NRXN1: variants seen among roughly 807,000 people sequenced by gnomAD.
NRXN1 encodes the protein neurexin-1.
Under a neutral mutation model 150.9 loss-of-function variants are expected in NRXN1, and 39 were observed. That is an observed-to-expected ratio of 0.26 (90% confidence interval 0.20 to 0.34). The LOEUF is 0.34. Among genes scored for constraint, NRXN1 ranks in the 10% least tolerant of loss-of-function variants. NRXN1 has a pLI of 1.00. For missense variants in NRXN1, 1,815 were observed against 1,949.9 expected (o/e 0.93, Z 1.30); for synonymous variants, 924 against 757.0 (o/e 1.22, Z -3.62).
chr2:50,571,723 G>A (rs1670690953), intron 8 of NRXN1, among the ~76,000 whole-genome samples: 1 of 152,028 alleles, frequency 6.6e-6, no homozygotes, highest in Admixed American at 6.6e-5. Context: ...GAACCATAGA[G>A]TATATTGCAG....
intron 12 of NRXN1, among the ~76,000 whole-genome samples, chr2:50,518,566 C>T (rs1250412562): frequency 6.6e-6 from 1 of 151,776 alleles, no homozygotes; most frequent in East Asian, 1.9e-4. Flanking sequence ...AATCAAAAAG[C>T]ATATGGGTCC....
intron 15 of NRXN1, among the ~76,000 whole-genome samples, chr2:50,489,190 G>C (rs886407321): frequency 6.6e-6 from 1 of 152,208 alleles, no homozygotes; most frequent in Admixed American, 6.5e-5. Context: ...CCTTGTGGCT[G>C]TTCCAAGCAT....
At chr2:51,029,944 T>G (rs1482528938) in intron 1 of NRXN1, among the ~76,000 whole-genome samples, 1 of 152,092 alleles carries the variant, frequency 6.6e-6, no homozygotes, top group Admixed American at 6.5e-5. Flanking sequence ...ACAATTTGTG[T>G]GGTCAGAAGA....
At chr2:50,831,889 C>G (rs191201806) in intron 5 of NRXN1, among the ~76,000 whole-genome samples, 435 of 152,270 alleles carry the variant, frequency 2.9e-3, no homozygotes, top group Non-Finnish European at 5.2e-3. Flanking sequence ...TGCACAGATG[C>G]ACAGAGAAAC....
chr2:50,938,153 G>A (rs1688823105), intron 2 of NRXN1, among the ~76,000 whole-genome samples: 1 of 152,152 alleles, frequency 6.6e-6, no homozygotes, highest in East Asian at 1.9e-4. Context: ...GGGCAAGTCA[G>A]ACAGTAGATA....
intron 18 of NRXN1, among the ~76,000 whole-genome samples, chr2:50,093,025 A>C (rs182805347): frequency 6.6e-6 from 1 of 152,326 alleles, no homozygotes; most frequent in East Asian, 1.9e-4. Context: ...ATGTGTTAAA[A>C]ATGTATGTAC....
chr2:50,709,866 A>G (rs1479277215), intron 5 of NRXN1, among the ~76,000 whole-genome samples: 1 of 152,190 alleles, frequency 6.6e-6, no homozygotes, highest in African/African-American at 2.4e-5. Context: ...TTCCTCTAAG[A>G]TCACAAGGCT....
At chr2:50,330,379 T>A (rs1247079503) in intron 17 of NRXN1, among the ~76,000 whole-genome samples, 1 of 152,070 alleles carries the variant, frequency 6.6e-6, no homozygotes, top group Non-Finnish European at 1.5e-5. Context: ...CCTTAAAGAG[T>A]TCGACAGAAA....
At position 50,498,227 on chromosome 2, in the gene NRXN1, G is replaced by T. The variant is rs142228535; in HGVS notation, c.2498-513C>A. Among the ~76,000 whole-genome samples, 1,393 of 152,154 alleles carry T rather than the reference G, an allele frequency of 9.2e-3. 24 individuals carry two copies. The highest frequency in any genetic ancestry group is 0.031 in the African/African-American group (1,269 of 41,522). On this transcript the variant is annotated intron_variant, in intron 13 of 22. Coordinates refer to ENST00000401669, the MANE Select transcript of NRXN1 (RefSeq NM_001330078.2). ...TACCCAGTAGAAAGAGTGGAGAGTT[G>T]CAGCCCTTTCTTCCAGTAATGAAAC...
At chr2:50,906,674 C>T (rs1390836642) in intron 5 of NRXN1, among the ~76,000 whole-genome samples, 1 of 152,034 alleles carries the variant, frequency 6.6e-6, no homozygotes, top group Non-Finnish European at 1.5e-5. Flanking sequence ...CAGTTTCATC[C>T]TTTAGGTTCC....
intron 17 of NRXN1, among the ~76,000 whole-genome samples, chr2:50,248,987 C>CTTTT (rs111366889): frequency 2.2e-5 from 3 of 134,420 alleles, no homozygotes; most frequent in African/African-American, 8.3e-5. Context: ...TCTTTACAAA[C>CTTTT]TTTTTTTTTT....
At chr2:50,348,291 A>C (rs2078191207) in intron 17 of NRXN1, among the ~76,000 whole-genome samples, 1 of 152,172 alleles carries the variant, frequency 6.6e-6, no homozygotes, top group East Asian at 1.9e-4. Context: ...ACCAAAACTC[A>C]CAAGGAGGGA....
At chr2:50,229,568 A>C (rs2064745751) in intron 18 of NRXN1, among the ~76,000 whole-genome samples, 1 of 152,018 alleles carries the variant, frequency 6.6e-6, no homozygotes, top group Non-Finnish European at 1.5e-5. Context: ...CTGGATCATA[A>C]GGGTAAACAT....
chr2:51,013,534 G>A (rs947684794), intron 2 of NRXN1, among the ~76,000 whole-genome samples: 3 of 150,672 alleles, frequency 2.0e-5, no homozygotes, highest in Non-Finnish European at 4.4e-5. Flanking sequence ...CTCAGGACTT[G>A]GGAGATTTGC....
intron 19 of NRXN1, among the ~76,000 whole-genome samples, chr2:50,058,915 C>T (rs1573658714): frequency 6.6e-6 from 1 of 152,132 alleles, no homozygotes; most frequent in Non-Finnish European, 1.5e-5. Flanking sequence ...GTCCATTAAA[C>T]CTGTTTTTCT....
chr2:50,729,310 T>G (rs115962509), intron 5 of NRXN1, among the ~76,000 whole-genome samples: 5 of 152,362 alleles, frequency 3.3e-5, no homozygotes, highest in Non-Finnish European at 5.9e-5. Context: ...GTATACACTT[T>G]ACAAAGTTTT....
chr2:50,127,738 T>C (rs116658575), intron 18 of NRXN1, among the ~76,000 whole-genome samples: 3 of 152,202 alleles, frequency 2.0e-5, no homozygotes, highest in African/African-American at 7.2e-5. Flanking sequence ...AAAGTCTTTA[T>C]GCTTTGCTTT....
At chr2:50,621,328 T>G in intron 6 of NRXN1, 79 bp from the exon 7 acceptor site, 1 of 1,079,898 alleles carries the variant, frequency 9.3e-7, no homozygotes, top group Non-Finnish European at 1.4e-6. Flanking sequence ...TATGATGGTC[T>G]CTACCATGTT....
At chr2:50,194,722 T>C (rs2061650560) in intron 18 of NRXN1, among the ~76,000 whole-genome samples, 1 of 152,272 alleles carries the variant, frequency 6.6e-6, no homozygotes, top group South Asian at 2.1e-4. Flanking sequence ...TTTATGAGAA[T>C]GGACTTTTCT....
Sources: gnomAD v4.1 joint callset for allele counts (sites outside exome capture counted in the v4.1 genomes callset) on GRCh38, gnomAD v4.1.1 for gene constraint, MANE v1.5 for transcripts, NCBI Gene and HGNC (gene_info 2026-07-23, HGNC 2026-07-21) for gene names.